DAG1: variants seen among roughly 807,000 people sequenced by gnomAD.
DAG1 encodes the protein dystroglycan 1 (dystrophin-associated glycoprotein 1).
Under a neutral mutation model 46.1 loss-of-function variants are expected in DAG1, and 8 were observed. That is an observed-to-expected ratio of 0.17 (90% CI 0.10 to 0.31). The LOEUF is 0.31. DAG1 is among the 10% of genes least tolerant of loss of function. The pLI is 1.00. For missense variants in DAG1, 1,003 were observed against 1,189.9 expected (o/e 0.84, Z 2.31); for synonymous variants, 495 against 481.8 (o/e 1.03, Z -0.36).
chr3:49,519,479 T>A (rs1238212406), intron 2 of DAG1, among the ~76,000 whole-genome samples: 1 of 152,120 alleles, frequency 6.6e-6, no homozygotes, highest in East Asian at 1.9e-4. Flanking sequence ...TCTCTTTGGC[T>A]AGGAAGGGGA....
intron 2 of DAG1, among the ~76,000 whole-genome samples, chr3:49,528,180 T>C (rs2051235271): frequency 6.6e-6 from 1 of 151,942 alleles, no homozygotes; most frequent in African/African-American, 2.4e-5. Flanking sequence ...CTTTATTTTA[T>C]GTGTTTATAT....
Position 49,480,108 on chromosome 3 carries a change from C to G in DAG1, c.-117+9675C>G, listed in dbSNP as rs1340046451. ...GGGATTACAGGTGCGCACCACCACA[C>G]CCGGCTATTTTTTTTTTTTTTTTTT... On this transcript the variant is annotated intron_variant, in intron 1 of 2. Transcript: ENST00000308775. Among the ~76,000 whole-genome samples, 16 of 134,876 alleles carry G rather than the reference C, an allele frequency of 1.2e-4. No individual in the cohort carries two copies. In the Admixed American group the frequency reaches 1.2e-3, roughly 10 times the overall value. The allele number at this position is 134,876 out of a possible 152,430, so 88.5% of individuals were successfully genotyped here. A position where few individuals can be genotyped will look rare whatever the true frequency, so the allele number is the denominator to read the frequency against.
chr3:49,512,370 TTTTTAAA>T (rs2050784215), intron 2 of DAG1, among the ~76,000 whole-genome samples: 1 of 151,902 alleles, frequency 6.6e-6, no homozygotes, highest in Non-Finnish European at 1.5e-5. Flanking sequence ...GCCCAGCTAA[TTTTTAAA>T]TTTTAATTTA....
intron 1 of DAG1, chr3:49,471,197 GGACA>G (rs1420535435): frequency 1.3e-5 from 2 of 152,156 alleles, no homozygotes; most frequent in Non-Finnish European, 2.9e-5. Flanking sequence ...CAAGAGCCTG[GGACA>G]GCACCTTCAT....
rs753991804 is a variant in DAG1, at chr3:49,532,838, G to A, written c.2327G>A (p.Arg776His). 1.8e-5 allele frequency: 29 copies of A among 1,614,074 alleles called. No individual in the cohort carries two copies. The highest frequency in any genetic ancestry group is 3.3e-5 in the South Asian group (3 of 91,076). The change falls in exon 3 of 3, where the codon CGC (arginine) becomes CAC (histidine). Residue 776 changes from arginine to histidine, a missense_variant. By Grantham distance (29) the Arg-to-His change is conservative (BLOSUM62 0). This residue lies in a region of DAG1 where 755 missense variants were observed against 854.1 expected (regional missense o/e 0.88). Transcript: ENST00000308775. This position sits in a 1 kb window ranked among gnomAD's most constrained non-coding sequence, Gnocchi z 5.4. ...GGCATCATTGCCATGATCTGCTACC[G>A]CAAGAAGCGGAAGGGCAAGCTTACC... ...IAGIIAMICY[R>H]KKRKGKLTLE...
chr3:49,498,400 A>C (rs766467088), intron 1 of DAG1, among the ~76,000 whole-genome samples: 48 of 146,600 alleles, frequency 3.3e-4, no homozygotes, highest in Non-Finnish European at 3.5e-4. Context: ...GACATTTGCC[A>C]TTTTTTTTTT....
At chr3:49,514,842 T>C (rs2050855821) in intron 2 of DAG1, among the ~76,000 whole-genome samples, 1 of 149,114 alleles carries the variant, frequency 6.7e-6, no homozygotes. Flanking sequence ...TGTGTACACA[T>C]ACATAGACAC....
chr3:49,522,070 C>T (rs2051043046), intron 2 of DAG1, among the ~76,000 whole-genome samples: 1 of 151,706 alleles, frequency 6.6e-6, no homozygotes, highest in Admixed American at 6.6e-5. Context: ...ACTCTTGTCC[C>T]CCAGGCTGGA....
intron 2 of DAG1, among the ~76,000 whole-genome samples, chr3:49,512,478 A>G (rs1023158689): frequency 6.7e-6 from 1 of 150,358 alleles, no homozygotes; most frequent in African/African-American, 2.4e-5. Context: ...TGCAACCTCC[A>G]TCTCCCAGAT....
At chr3:49,510,136 A>C in intron 1 of DAG1, 1 of 431,756 alleles carries the variant, frequency 2.3e-6, no homozygotes, top group Non-Finnish European at 4.1e-6. Context: ...AATACATATC[A>C]TTTCAGTTTG....
chr3:49,520,504 G>A (rs1283252223), intron 2 of DAG1, among the ~76,000 whole-genome samples: 1 of 152,242 alleles, frequency 6.6e-6, no homozygotes, highest in African/African-American at 2.4e-5. Flanking sequence ...GGAGCTGAAA[G>A]GTCGGGAATT....
At chr3:49,471,538 G>T (rs112132701) in intron 1 of DAG1, among the ~76,000 whole-genome samples, 5 of 151,840 alleles carry the variant, frequency 3.3e-5, no homozygotes, top group African/African-American at 9.7e-5. Context: ...ACTTTTGTGG[G>T]TTTTTTTTGC....
chr3:49,519,772 A>G (rs1234118321), intron 2 of DAG1, among the ~76,000 whole-genome samples: 1 of 152,206 alleles, frequency 6.6e-6, no homozygotes, highest in African/African-American at 2.4e-5. Flanking sequence ...AGAGAACATG[A>G]CAAAGTAAAA....
At chr3:49,484,177 AT>A (rs1249419204) in intron 1 of DAG1, among the ~76,000 whole-genome samples, 6 of 152,208 alleles carry the variant, frequency 3.9e-5, no homozygotes, top group African/African-American at 1.4e-4. Context: ...AGAAAATAGA[AT>A]AATATTTTGT....
intron 2 of DAG1, among the ~76,000 whole-genome samples, chr3:49,511,373 C>CCTTCTTCA (rs2050757551): frequency 1.3e-5 from 2 of 152,052 alleles, no homozygotes; most frequent in Non-Finnish European, 2.9e-5. Flanking sequence ...TCTTGGTTGA[C>CCTTCTTCA]CCAGGATAGA....
In DAG1 at chr3:49,532,293, C is replaced by T. The variant is rs1553653277; in HGVS notation, c.1782C>T (p.His594=). 2.5e-6 allele frequency: 4 copies of T among 1,614,152 alleles called. No individual in the cohort carries two copies. Among genetic ancestry groups the T allele is most frequent in the East Asian group, 2.2e-5 (1 of 44,888 alleles). ...CGGCTGTGGATGCCTTCGAGATCCA[C>T]GTCCACAGGCGCCCCCAAGGGGATA... is the stretch of plus-strand genomic sequence containing the variant. The part of the protein sequence containing the change: ...GLSAVDAFEI[H]VHRRPQGDRA... Residue 594 remains histidine (H), a synonymous_variant, in exon 3 of 3, where the codon CAC becomes CAT. Transcript: ENST00000308775. This position sits in a 1 kb window ranked among gnomAD's most constrained non-coding sequence, Gnocchi z 5.4.
At chr3:49,479,887 G>A (rs1449450075) in intron 1 of DAG1, among the ~76,000 whole-genome samples, 1 of 148,898 alleles carries the variant, frequency 6.7e-6, no homozygotes, top group Non-Finnish European at 1.5e-5. Flanking sequence ...TGATCCACCT[G>A]CCTCGGCCCC....
rs1056608674 is a variant in DAG1, at chr3:49,480,764, T to G, written c.-117+10331T>G. ...TTAACATCTCTGCATAAAGTTTTTT[T>G]TTTTTTTTTTTTTTTGAGACGGAGT... On this transcript the variant is annotated intron_variant, in intron 1 of 2. Transcript: ENST00000308775. 2.9e-4 allele frequency among the ~76,000 whole-genome samples: 37 copies of G among 127,126 alleles called. 2 individuals carry two copies. The highest frequency in any genetic ancestry group is 8.7e-4 in the African/African-American group (33 of 38,026). The allele number at this position is 127,126 out of a possible 152,430, so 83.4% of individuals were successfully genotyped here.
intron 1 of DAG1, among the ~76,000 whole-genome samples, chr3:49,489,510 C>T (rs1033717199): frequency 1.3e-5 from 2 of 152,148 alleles, no homozygotes; most frequent in South Asian, 2.1e-4. Flanking sequence ...CTGGATGCAG[C>T]GTGCCCACAT....
Sources: gnomAD v4.1 joint callset for allele counts (sites outside exome capture counted in the v4.1 genomes callset) on GRCh38, gnomAD v4.1.1 for gene constraint, gnomAD v4.1.1 regional missense constraint, Gnocchi (gnomAD v3.1) non-coding constraint, MANE v1.5 for transcripts, NCBI Gene and HGNC (gene_info 2026-07-23, HGNC 2026-07-21) for gene names.